Variants in AKAP9 observed in about 807,000 individuals in gnomAD.
AKAP9 encodes the protein A-kinase anchor protein 9.
In AKAP9, 311 loss-of-function variants were observed where a neutral mutation model predicts 488.5. That is an observed-to-expected ratio of 0.64 (90% CI 0.58 to 0.70). The LOEUF is 0.70. Ranked by LOEUF, AKAP9 falls within the 30% of genes least tolerant of loss-of-function variation. The pLI is 0.00. For missense variants in AKAP9, 4,215 were observed against 4,374.5 expected (o/e 0.96, Z 1.03); for synonymous variants, 1,462 against 1,483.5 (o/e 0.99, Z 0.33).
chr7:92,102,484 CT>C (rs1563151225), intron 45 of AKAP9, 109 bp from the exon 46 acceptor site: 5 of 725,096 alleles, frequency 6.9e-6, no homozygotes, highest in African/African-American at 1.8e-5. Flanking sequence ...ACTACTACTA[CT>C]ACTACCACCA....
At chr7:91,949,338 G>A (rs117437870) in intron 1 of AKAP9, among the ~76,000 whole-genome samples, 2,079 of 152,106 alleles carry the variant, frequency 0.014, 26 homozygotes, top group South Asian at 0.037. Context: ...ATAGGTTCTT[G>A]GTGAGTTGAT....
Position 92,003,111 on chromosome 7 carries a change from G to T in AKAP9, c.3194G>T (p.Ser1065Ile). Residue 1065 changes from serine to isoleucine, a missense_variant, in exon 8 of 50, where the codon AGT becomes ATT. Transcript: ENST00000356239. ...GAAAATATGACTGTTGGAGAAGAAA[G>T]TAAGCAAGAACAGTTGATTTTGGAT... is the stretch of plus-strand genomic sequence containing the variant. ...SFENMTVGEESKQEQLILDHL... is the reference protein window; with the variant it reads ...SFENMTVGEEIKQEQLILDHL... The T allele has an allele frequency of 6.2e-7, 1 of 1,611,772 alleles. No individual in the cohort carries two copies. Among genetic ancestry groups the T allele is most frequent in the Non-Finnish European group, 8.5e-7 (1 of 1,178,782 alleles).
At position 92,012,500 on chromosome 7, in the gene AKAP9, G is replaced by C; in HGVS notation, c.3390G>C (p.Gln1130His). The C allele has an allele frequency of 1.9e-6, 3 of 1,614,048 alleles. No homozygotes were observed. The highest frequency in any genetic ancestry group is 1.3e-5 in the African/African-American group (1 of 75,034). ...TGGTTTATTCAACTCATGTGGATCA[G>C]GTTCGTGAATATATGGAAAATGAAA... Reference protein sequence around the residue: ...LSLVYSTHVDQVREYMENEKD... With the variant: ...LSLVYSTHVDHVREYMENEKD... The change falls in exon 9 of 50, where the codon CAG becomes CAC. Residue 1130 changes from glutamine (Q) to histidine (H), a missense_variant. Gln to His is a conservative substitution (Grantham distance 24). Transcript: ENST00000356239.
At chr7:92,038,380 C>A in intron 16 of AKAP9, 39 bp from the exon 17 acceptor site, 1 of 1,516,606 alleles carries the variant, frequency 6.6e-7, no homozygotes, top group Non-Finnish European at 9.1e-7. Context: ...GCTGATATTT[C>A]TAAATCTAAT....
chr7:91,954,502 A>G (rs1286757311), intron 1 of AKAP9, among the ~76,000 whole-genome samples: 3 of 152,234 alleles, frequency 2.0e-5, no homozygotes. Flanking sequence ...TCCTGGACTC[A>G]AGTGATCCTC....
At chr7:92,058,402 C>T (rs1027172697) in intron 22 of AKAP9, 4 of 538,950 alleles carry the variant, frequency 7.4e-6, no homozygotes, top group Non-Finnish European at 1.5e-5. Context: ...CACTGCCTAC[C>T]CCTCCTTATT....
At chr7:91,974,248 A>G (rs1334950146) in intron 2 of AKAP9, among the ~76,000 whole-genome samples, 2 of 152,232 alleles carry the variant, frequency 1.3e-5, no homozygotes, top group Non-Finnish European at 2.9e-5. Context: ...TAGGAAAATT[A>G]TTCTAGTGGA....
At chr7:91,978,786 T>G (rs897864815) in intron 2 of AKAP9, among the ~76,000 whole-genome samples, 4 of 151,898 alleles carry the variant, frequency 2.6e-5, no homozygotes, top group Non-Finnish European at 5.9e-5. Flanking sequence ...AGACAGGGTC[T>G]CACTCTGTCA....
intron 7 of AKAP9, among the ~76,000 whole-genome samples, chr7:91,996,979 A>T (rs1312462301): frequency 6.6e-6 from 1 of 152,186 alleles, no homozygotes; most frequent in Non-Finnish European, 1.5e-5. Flanking sequence ...ACCAACACAA[A>T]GCAAGATGAG....
Position 92,070,080 on chromosome 7 carries a change from G to C in AKAP9, c.6381G>C (p.Glu2127Asp), listed in dbSNP as rs929186844. ...HLKEKTDKCS[E>D]LLLSKEQLQR... ...AAGAAAAAACAGACAAATGCAGTGA[G>C]CTTTTGCTCTCTAAAGAGCAGCTTC... The change falls in exon 27 of 50, where the codon GAG becomes GAC. Residue 2127 changes from glutamate (E) to aspartate (D), a missense_variant. By Grantham distance (45) the Glu-to-Asp change is conservative (BLOSUM62 2). Transcript: ENST00000356239. 1 of 1,613,902 alleles carries C rather than the reference G, an allele frequency of 6.2e-7. No homozygotes were observed. The highest frequency in any genetic ancestry group is 8.5e-7 in the Non-Finnish European group (1 of 1,179,944).
chr7:92,016,046 G>A, intron 10 of AKAP9, 83 bp from the exon 11 acceptor site: 1 of 1,185,542 alleles, frequency 8.4e-7, no homozygotes, highest in Non-Finnish European at 1.2e-6. Flanking sequence ...TGACCGCCTT[G>A]CATCTAGGAG....
At chr7:92,035,775 G>A (rs1003161378) in intron 16 of AKAP9, among the ~76,000 whole-genome samples, 4 of 152,154 alleles carry the variant, frequency 2.6e-5, no homozygotes, top group Non-Finnish European at 5.9e-5. Flanking sequence ...ATTGTGCTCA[G>A]AGTTTTTAGG....
Position 92,096,726 on chromosome 7 carries a change from A to G in AKAP9, c.9767A>G (p.Asn3256Ser). Residue 3256 changes from asparagine to serine, a missense_variant, in exon 41 of 50, where the codon AAT (asparagine) becomes AGT (serine). Asn to Ser is a conservative substitution (Grantham distance 46). Coordinates refer to ENST00000356239, the MANE Select transcript of AKAP9 (RefSeq NM_005751.5). ...KFSLESQKQRNLQLNLLLEQQ... is the reference protein window; with the variant it reads ...KFSLESQKQRSLQLNLLLEQQ... ...TCACTTGAGAGTCAGAAACAAAGGA[A>G]TCTTCAGCTAAATCTACTTTTGGAA... 1 of 1,614,166 alleles carries G rather than the reference A, an allele frequency of 6.2e-7. No homozygotes were observed. The highest frequency in any genetic ancestry group is 1.1e-5 in the South Asian group (1 of 91,074).
intron 3 of AKAP9, among the ~76,000 whole-genome samples, chr7:91,990,712 AAACTGAT>A (rs1248327913): frequency 2.0e-5 from 3 of 152,304 alleles, no homozygotes; most frequent in East Asian, 1.9e-4. Context: ...CAGTTATTAC[AAACTGAT>A]AACTGATAAC....
intron 20 of AKAP9, 37 bp from the exon 21 acceptor site, chr7:92,044,971 A>G (rs1420173079): frequency 2.0e-6 from 3 of 1,536,608 alleles, no homozygotes; most frequent in Non-Finnish European, 2.7e-6. Context: ...CTTCAAAAAT[A>G]TTAAACATTT....
chr7:91,976,347 A>G (rs1795687171), intron 2 of AKAP9, among the ~76,000 whole-genome samples: 1 of 152,162 alleles, frequency 6.6e-6, no homozygotes, highest in East Asian at 1.9e-4. Flanking sequence ...TCAGCCCGAC[A>G]AGTAGCTGGG....
At chr7:92,060,346 A>G (rs1809556646) in intron 22 of AKAP9, among the ~76,000 whole-genome samples, 1 of 152,152 alleles carries the variant, frequency 6.6e-6, no homozygotes, top group African/African-American at 2.4e-5. Context: ...TGTTATTAAT[A>G]TATGTGATGA....
chr7:91,989,914 T>C (rs1290149781), intron 3 of AKAP9, among the ~76,000 whole-genome samples: 1 of 152,096 alleles, frequency 6.6e-6, no homozygotes, highest in Non-Finnish European at 1.5e-5. Context: ...AGTTTTTATG[T>C]GAAGGCCATT....
chr7:91,962,613 C>A (rs1033274301), intron 1 of AKAP9, among the ~76,000 whole-genome samples: 1 of 152,074 alleles, frequency 6.6e-6, no homozygotes, highest in Non-Finnish European at 1.5e-5. Context: ...AAAGCCCTAA[C>A]CCTCAGTGAA....
Sources: gnomAD v4.1 joint callset for allele counts (sites outside exome capture counted in the v4.1 genomes callset) on GRCh38, gnomAD v4.1.1 for gene constraint, MANE v1.5 for transcripts, NCBI Gene and HGNC (gene_info 2026-07-23, HGNC 2026-07-21) for gene names.